Variants in KCTD17 observed in about 807,000 individuals in gnomAD.
KCTD17 encodes the protein potassium channel tetramerization domain containing 17.
KCTD17 carries 20 observed loss-of-function variants against 41.5 expected under a neutral mutation model. That is an observed-to-expected ratio of 0.48 (90% CI 0.34 to 0.70). The LOEUF (loss-of-function observed/expected upper bound fraction) is 0.70. KCTD17 is among the 30% of genes least tolerant of loss of function. The pLI is 0.01. For synonymous variants in KCTD17, 156 were observed against 173.8 expected, an observed-to-expected ratio of 0.90 and a Z score of 0.80; for missense variants, 317 against 427.2, an observed-to-expected ratio of 0.74 and a Z score of 2.27.
At chr22:37,057,184 G>A (rs894060958) in intron 3 of KCTD17, among the ~76,000 whole-genome samples, 1 of 152,200 alleles carries the variant, frequency 6.6e-6, no homozygotes, top group Non-Finnish European at 1.5e-5. Flanking sequence ...TAATGCCTAG[G>A]ATTCTTGGAA....
chr22:37,059,404 A>G lies in KCTD17; in HGVS notation c.578A>G (p.Asn193Ser). Residue 193 changes from asparagine to serine, a missense_variant, in exon 5 of 9, where the codon AAC (asparagine) becomes AGC (serine). Coordinates refer to ENST00000403888, the MANE Select transcript of KCTD17 (RefSeq NM_001282684.2). ...VVSKELHSTP[N>S]GLSSESSRKT... ...TCCAAGGAGCTCCACAGCACCCCAAACGGGCTGAGCTCAGAGTCCAGCCGC... is the reference window on the plus strand; with the variant it reads ...TCCAAGGAGCTCCACAGCACCCCAAGCGGGCTGAGCTCAGAGTCCAGCCGC... 1 of 1,611,584 alleles carries G rather than the reference A, an allele frequency of 6.2e-7. No individual in the cohort carries two copies. Among genetic ancestry groups the G allele is most frequent in the Non-Finnish European group, 8.5e-7 (1 of 1,179,698 alleles).
Position 37,061,661 on chromosome 22 carries a change from T to C in KCTD17, c.875+32T>C. 2 of 1,569,590 alleles carry C rather than the reference T, an allele frequency of 1.3e-6. No individual in the cohort carries two copies. The highest frequency in any genetic ancestry group is 8.6e-7 in the Non-Finnish European group (1 of 1,164,676). ...AGCTTGGCGGTGCTGGAGGGAGGGG[T>C]GGAGCGAGGAGGGTGCTCATCTCTT... On this transcript the variant is annotated intron_variant, in intron 8 of 8. Transcript: ENST00000403888. This position sits in a 1 kb window ranked among gnomAD's most constrained non-coding sequence, Gnocchi z 6.6.
At chr22:37,057,358 G>A (rs1343622215) in intron 3 of KCTD17, 40 bp from the exon 4 acceptor site, 1 of 1,547,834 alleles carries the variant, frequency 6.5e-7, no homozygotes, top group Non-Finnish European at 8.9e-7. Flanking sequence ...GGTGCCTGGT[G>A]CTCCCACAGG....
intron 5 of KCTD17, among the ~76,000 whole-genome samples, chr22:37,059,910 G>A (rs1053362304): frequency 2.6e-5 from 4 of 152,210 alleles, no homozygotes; most frequent in Non-Finnish European, 5.9e-5. Context: ...CATGTCCCCA[G>A]CTGGCCTGAG....
chr22:37,061,611 C>T lies in KCTD17; in HGVS notation c.857C>T (p.Pro286Leu). 2 of 1,598,920 alleles carry T rather than the reference C, an allele frequency of 1.3e-6. No individual in the cohort carries two copies. Among genetic ancestry groups the T allele is most frequent in the East Asian group, 2.2e-5 (1 of 44,744 alleles). ...GCTTCTCCTCGGCCCCTCGCCCGCC[C>T]CCAGAGCTGCCATCCCTGGTTTGTA... Reference protein sequence around the residue: ...VRASPRPLARPQSCHPCCYKP... With the variant: ...VRASPRPLARLQSCHPCCYKP... The change falls in exon 8 of 9, where the codon CCC becomes CTC. Residue 286 changes from proline to leucine, a missense_variant. Pro to Leu is a moderately conservative substitution (Grantham distance 98). Around this residue, in one of 4 missense-constraint regions of KCTD17, gnomAD observed 177 missense variants for 194.4 expected, o/e 0.91. Transcript: ENST00000403888. The surrounding 1 kb of genome is among the most constrained non-coding windows in gnomAD (Gnocchi z 6.6).
In KCTD17 at chr22:37,061,563, C is replaced by T; in HGVS notation, c.809C>T (p.Pro270Leu). ...AGGSRPHPLR[P>L]EAELAVRASP... The stretch of plus-strand genomic sequence containing the variant: ...GGTTCCCGTCCGCACCCTCTCAGAC[C>T]TGAGGCTGAGCTTGCAGTGAGGGCT... Residue 270 changes from proline to leucine, a missense_variant, in exon 8 of 9, where the codon CCT becomes CTT. Transcript: ENST00000403888. The surrounding 1 kb of genome is among the most constrained non-coding windows in gnomAD (Gnocchi z 6.6). 6.2e-7 allele frequency: 1 copy of T among 1,601,858 alleles called. No individual in the cohort carries two copies. Among genetic ancestry groups the T allele is most frequent in the Non-Finnish European group, 8.5e-7 (1 of 1,179,704 alleles).
At chr22:37,055,295 AC>A (rs1924971810) in intron 2 of KCTD17, 1 of 152,072 alleles carries the variant, frequency 6.6e-6, no homozygotes, top group Non-Finnish European at 1.5e-5. Context: ...AGCTAAATCA[AC>A]CCTGGTGATC....
chr22:37,062,635 AGAAG>A lies in KCTD17; in HGVS notation c.*46_*49del. The A allele has an allele frequency of 6.3e-7, 1 of 1,590,926 alleles. No homozygotes were observed. Among genetic ancestry groups the A allele is most frequent in the Non-Finnish European group, 8.6e-7 (1 of 1,168,092 alleles). ...TACCATGGGGTGGGCCCCGGGCCTG[AGAAG>A]GAAGAAGCACCCTCTCCCCGGCCTC... is the stretch of plus-strand genomic sequence containing the variant. On this transcript the variant is annotated 3_prime_UTR_variant, in exon 9 of 9. Coordinates refer to ENST00000403888, the MANE Select transcript of KCTD17 (RefSeq NM_001282684.2).
At position 37,053,053 on chromosome 22, in the gene KCTD17, G is replaced by C. The variant is rs1289790309; in HGVS notation, c.190-47G>C. On this transcript the variant is annotated intron_variant, in intron 1 of 8. Transcript: ENST00000403888. The surrounding 1 kb of genome is among the most constrained non-coding windows in gnomAD (Gnocchi z 4.1). ...CCCTGTGCGTGTGCGGGGTTGGCTG[G>C]GGAGAAGCCTCACTCTTCTCTCACC... is the stretch of plus-strand genomic sequence containing the variant. The C allele has an allele frequency of 6.9e-7, 1 of 1,452,538 alleles. No homozygotes were observed. The highest frequency in any genetic ancestry group is 1.2e-5 in the South Asian group (1 of 82,124). 90.0% of individuals were successfully genotyped at this position (1,452,538 alleles called of 1,614,324 possible).
At position 37,053,064 on chromosome 22, in the gene KCTD17, C is replaced by G. The variant is rs1208441848; in HGVS notation, c.190-36C>G. 6 of 1,483,782 alleles carry G rather than the reference C, an allele frequency of 4.0e-6. No individual in the cohort carries two copies. Among genetic ancestry groups the G allele is most frequent in the Admixed American group, 3.9e-5 (2 of 51,420 alleles). 91.9% of individuals were successfully genotyped at this position (1,483,782 alleles called of 1,614,324 possible). A position where few individuals can be genotyped will look rare whatever the true frequency, so the allele number is the denominator to read the frequency against. ...TGCGGGGTTGGCTGGGGAGAAGCCTCACTCTTCTCTCACCGAGCATCCCTC... is the reference window on the plus strand; with the variant it reads ...TGCGGGGTTGGCTGGGGAGAAGCCTGACTCTTCTCTCACCGAGCATCCCTC... On this transcript the variant is annotated intron_variant, in intron 1 of 8. Coordinates refer to ENST00000403888, the MANE Select transcript of KCTD17 (RefSeq NM_001282684.2). This position sits in a 1 kb window ranked among gnomAD's most constrained non-coding sequence, Gnocchi z 4.1.
rs1200576232 is a variant in KCTD17 at position 37,060,910 on chromosome 22, G to T, written c.700G>T (p.Ala234Ser). The change falls in exon 6 of 9, where the codon GCA becomes TCA. Residue 234 changes from alanine (A) to serine (S), a missense_variant. By Grantham distance (99) the Ala-to-Ser change is moderately conservative. This residue lies in a region of KCTD17 where 177 missense variants were observed against 194.4 expected (regional missense o/e 0.91). Transcript: ENST00000403888. The stretch of plus-strand genomic sequence containing the variant: ...GGAACAGGTGCAGGTGGAGGCAGAT[G>T]CACAGGAGAAAGGTGCAGCCAACCC... ...EVEQVQVEAD[A>S]QEKAQSSQDP... 6.5e-6 allele frequency: 10 copies of T among 1,542,344 alleles called. 1 individual carries two copies. In the Admixed American group the frequency reaches 1.8e-4, roughly 28 times the overall value.
rs770268401 is a variant in KCTD17, at chr22:37,051,907, C to T, written c.147C>T (p.Phe49=). The change falls in exon 1 of 9, where the codon TTC becomes TTT. Residue 49 remains phenylalanine (F), a synonymous_variant. Coordinates refer to ENST00000403888, the MANE Select transcript of KCTD17 (RefSeq NM_001282684.2). ...CGCTGTGCCGCGAGCAGAAGTCCTT[C>T]CTCAGCCGCCTGTGCCAGGGGGAAG... is the stretch of plus-strand genomic sequence containing the variant. ...RQTLCREQKS[F]LSRLCQGEEL... is the part of the protein sequence containing the mutation. The T allele has an allele frequency of 4.7e-6, 7 of 1,504,504 alleles. No individual in the cohort carries two copies. In the South Asian group the frequency reaches 7.6e-5, roughly 16 times the overall value. 93.2% of individuals were successfully genotyped at this position (1,504,504 alleles called of 1,614,324 possible).
Position 37,061,660 on chromosome 22 carries a change from G to T in KCTD17, c.875+31G>T, listed in dbSNP as rs1183269390. 2.5e-6 allele frequency: 4 copies of T among 1,569,876 alleles called. No homozygotes were observed. In the Admixed American group the frequency reaches 5.4e-5, roughly 21 times the overall value. On this transcript the variant is annotated intron_variant, in intron 8 of 8. Transcript: ENST00000403888. This position sits in a 1 kb window ranked among gnomAD's most constrained non-coding sequence, Gnocchi z 6.6. ...TAGCTTGGCGGTGCTGGAGGGAGGGGTGGAGCGAGGAGGGTGCTCATCTCT... is the reference window on the plus strand; with the variant it reads ...TAGCTTGGCGGTGCTGGAGGGAGGGTTGGAGCGAGGAGGGTGCTCATCTCT...
intron 1 of KCTD17, chr22:37,052,614 C>G (rs1924624240): frequency 2.1e-6 from 1 of 470,928 alleles, no homozygotes; most frequent in Admixed American, 2.3e-5. Context: ...CCTCACCTCT[C>G]AATGTCTCCG....
rs1229707708 is a variant in KCTD17, at chr22:37,057,505, A to G, written c.486+12A>G. The G allele has an allele frequency of 1.2e-6, 2 of 1,605,542 alleles. No individual in the cohort carries two copies. The highest frequency in any genetic ancestry group is 3.3e-5 in the Admixed American group (2 of 59,950). On this transcript the variant is annotated intron_variant, in intron 4 of 8. Transcript: ENST00000403888. The stretch of plus-strand genomic sequence containing the variant: ...GGCGCTTCGAGCAGGTGCGCTGGGG[A>G]CAGGGGCGTGCCACCAGGACAACCC...
intron 4 of KCTD17, among the ~76,000 whole-genome samples, chr22:37,058,458 C>T (rs1925391027): frequency 6.6e-6 from 1 of 152,182 alleles, no homozygotes; most frequent in South Asian, 2.1e-4. Context: ...GTAAAGCTTA[C>T]AGCCCTCCGT....
chr22:37,057,794 C>T (rs543558047), intron 4 of KCTD17, among the ~76,000 whole-genome samples: 1 of 152,172 alleles, frequency 6.6e-6, no homozygotes, highest in Non-Finnish European at 1.5e-5. Flanking sequence ...GAGTCTGTGG[C>T]CCCCGAAGGA....
At chr22:37,059,723 C>T (rs1156872915) in intron 5 of KCTD17, among the ~76,000 whole-genome samples, 1 of 152,236 alleles carries the variant, frequency 6.6e-6, no homozygotes, top group Non-Finnish European at 1.5e-5. Flanking sequence ...GTGGCATGGA[C>T]TAGGGGTCAG....
chr22:37,061,635 T>C lies in KCTD17; in HGVS notation c.875+6T>C, dbSNP rs1925812007. ...CCCCAGAGCTGCCATCCCTGGTTTG[T>C]AGCTTGGCGGTGCTGGAGGGAGGGG... On this transcript the variant is annotated splice_donor_region_variant and intron_variant, in intron 8 of 8. Coordinates refer to ENST00000403888, the MANE Select transcript of KCTD17 (RefSeq NM_001282684.2). This position sits in a 1 kb window ranked among gnomAD's most constrained non-coding sequence, Gnocchi z 6.6. 2 of 1,594,112 alleles carry C rather than the reference T, an allele frequency of 1.3e-6. No individual in the cohort carries two copies. Among genetic ancestry groups the C allele is most frequent in the Non-Finnish European group, 1.7e-6 (2 of 1,177,138 alleles).
Sources: gnomAD v4.1 joint callset for allele counts (sites outside exome capture counted in the v4.1 genomes callset) on GRCh38, gnomAD v4.1.1 for gene constraint, gnomAD v4.1.1 regional missense constraint, Gnocchi (gnomAD v3.1) non-coding constraint, MANE v1.5 for transcripts, NCBI Gene and HGNC (gene_info 2026-07-23, HGNC 2026-07-21) for gene names.